The following ACSS1 variants were observed in gnomAD, a reference collection of about 807,000 sequenced individuals.
The protein encoded by ACSS1 is acetyl-coenzyme A synthetase 2-like, mitochondrial.
ACSS1 carries 42 observed loss-of-function variants against 75.3 expected under a neutral mutation model. The ratio of observed to expected loss-of-function variants is 0.56; its 90% CI spans 0.44 to 0.72. The LOEUF is 0.72. ACSS1 is among the 30% of genes least tolerant of loss of function. The pLI is 0.00. For synonymous variants in ACSS1, 380 were observed against 376.8 expected (o/e 1.01, Z -0.10); for missense variants, 782 against 935.7 (o/e 0.84, Z 2.14).
rs150473363 is a variant in ACSS1 at position 25,040,298 on chromosome 20, G to C, written c.431+7787C>G. On this transcript the variant is annotated intron_variant, in intron 2 of 13. Coordinates refer to ENST00000323482, the MANE Select transcript of ACSS1 (RefSeq NM_032501.4). Reference sequence around the variant, plus strand: ...AACACAGGGCAGCCAACTTCACACAGAACGCTCCAGAGCCTGGACGCAGGT... The same window carrying C: ...AACACAGGGCAGCCAACTTCACACACAACGCTCCAGAGCCTGGACGCAGGT... 4.7e-3 allele frequency among the ~76,000 whole-genome samples: 721 copies of C among 152,334 alleles called. 6 individuals are homozygous for C. Among genetic ancestry groups the C allele is most frequent in the African/African-American group, 0.017 (697 of 41,580 alleles).
In ACSS1 at chr20:25,007,790, C is replaced by A; in HGVS notation, c.2042G>T (p.Cys681Phe). 1 of 1,614,158 alleles carries A rather than the reference C, an allele frequency of 6.2e-7. No individual in the cohort carries two copies. Among genetic ancestry groups the A allele is most frequent in the Non-Finnish European group, 8.5e-7 (1 of 1,180,016 alleles). ...CTTAGCAGCAGCCTGCTTGTCCTTGCACTTCTGGTAGACACTCAGGATCTC... is the reference window on the plus strand; with the variant it reads ...CTTAGCAGCAGCCTGCTTGTCCTTGAACTTCTGGTAGACACTCAGGATCTC... ...IAEILSVYQK[C>F]KDKQAAAK The change falls in exon 14 of 14, where the codon TGC becomes TTC. Residue 681 changes from cysteine (C) to phenylalanine (F), a missense_variant. By Grantham distance (205) the Cys-to-Phe change is radical (BLOSUM62 -2). This residue lies in a region of ACSS1 where 405 missense variants were observed against 552.6 expected (regional missense o/e 0.73). Coordinates refer to ENST00000323482, the MANE Select transcript of ACSS1 (RefSeq NM_032501.4).
chr20:25,025,193 C>T (rs1337434718), intron 3 of ACSS1, among the ~76,000 whole-genome samples: 3 of 152,210 alleles, frequency 2.0e-5, no homozygotes, highest in African/African-American at 4.8e-5. Context: ...TCACACTACA[C>T]AGCAGGCAGT....
At chr20:25,043,705 C>T (rs1026188652) in intron 2 of ACSS1, among the ~76,000 whole-genome samples, 9 of 152,214 alleles carry the variant, frequency 5.9e-5, no homozygotes, top group African/African-American at 1.7e-4. Flanking sequence ...GGAGTTTCCA[C>T]GGGGGAACAG....
At chr20:25,020,178 G>C (rs772481093) in intron 6 of ACSS1, 31 bp from the exon 7 acceptor site, 1 of 1,613,450 alleles carries the variant, frequency 6.2e-7, no homozygotes, top group Non-Finnish European at 8.5e-7. Flanking sequence ...ACTGTCAGCA[G>C]GAGAGCTGAC....
chr20:25,036,892 T>C (rs1327830215), intron 2 of ACSS1, among the ~76,000 whole-genome samples: 1 of 150,584 alleles, frequency 6.6e-6, no homozygotes, highest in Non-Finnish European at 1.5e-5. Flanking sequence ...GAGGTGGAGA[T>C]TGCAGTGAAC....
intron 2 of ACSS1, chr20:25,032,299 C>A: frequency 8.0e-7 from 1 of 1,256,790 alleles, no homozygotes. Context: ...CGTGACCCAA[C>A]CTGGTCCAGT....
chr20:25,007,506 C>A lies in ACSS1; in HGVS notation c.*256G>T. 5.3e-6 allele frequency: 7 copies of A among 1,312,496 alleles called. No homozygotes were observed. Among genetic ancestry groups the A allele is most frequent in the Non-Finnish European group, 5.8e-6 (6 of 1,029,444 alleles). The allele number at this position is 1,312,496 out of a possible 1,614,324, so 81.3% of individuals were successfully genotyped here. On this transcript the variant is annotated 3_prime_UTR_variant, in exon 14 of 14. Coordinates refer to ENST00000323482, the MANE Select transcript of ACSS1 (RefSeq NM_032501.4). ...ATGGAGATGGCAATGCCTTTTCATTCCAGGAAACCAAACTCAGATGGCAGA... is the reference window on the plus strand; with the variant it reads ...ATGGAGATGGCAATGCCTTTTCATTACAGGAAACCAAACTCAGATGGCAGA...
intron 7 of ACSS1, among the ~76,000 whole-genome samples, chr20:25,019,132 C>T (rs2088572027): frequency 1.3e-5 from 2 of 152,376 alleles, no homozygotes; most frequent in Non-Finnish European, 2.9e-5. Flanking sequence ...GACACTCTTC[C>T]ATGGTCACTG....
chr20:25,017,931 C>G (rs1047624115), intron 7 of ACSS1, among the ~76,000 whole-genome samples: 1 of 152,178 alleles, frequency 6.6e-6, no homozygotes, highest in African/African-American at 2.4e-5. Context: ...AGGATCTGGG[C>G]GAGTTTCTAT....
rs1051283506 is a variant in ACSS1, at chr20:25,032,604, C to T, written c.432-1646G>A. The T allele has an allele frequency of 6.5e-6, 8 of 1,235,402 alleles. No individual in the cohort carries two copies. The African/African-American group carries it at 1.1e-4, about 17-fold the overall frequency. 76.5% of individuals were successfully genotyped at this position (1,235,402 alleles called of 1,614,324 possible). ...AGACCACCAGCCCGCGACCCCTGCCCTCTGCAGGGGCCCAGAAAGCAGACC... is the reference window on the plus strand; with the variant it reads ...AGACCACCAGCCCGCGACCCCTGCCTTCTGCAGGGGCCCAGAAAGCAGACC... On this transcript the variant is annotated intron_variant, in intron 2 of 13. Coordinates refer to ENST00000323482, the MANE Select transcript of ACSS1 (RefSeq NM_032501.4).
At chr20:25,039,805 C>T (rs6115010) in intron 2 of ACSS1, among the ~76,000 whole-genome samples, 18,060 of 152,324 alleles carry the variant, frequency 0.12, 1,145 homozygotes, top group Middle Eastern at 0.14. Flanking sequence ...GTTTTCCCTT[C>T]GACCTCAGCA....
At position 25,012,721 on chromosome 20, in the gene ACSS1, A is replaced by T. The variant is rs1187654019; in HGVS notation, c.1708-57T>A. 1.9e-6 allele frequency: 3 copies of T among 1,613,378 alleles called. No homozygotes were observed. In the East Asian group the frequency reaches 6.7e-5, roughly 36 times the overall value. ...GTGGCGGCCCCGGGTGCTAGAAGTG[A>T]CTCGGGCCAGGGACTCCCACCCCAA... is the stretch of plus-strand genomic sequence containing the variant. On this transcript the variant is annotated intron_variant, in intron 11 of 13. Coordinates refer to ENST00000323482, the MANE Select transcript of ACSS1 (RefSeq NM_032501.4).
At chr20:25,032,193 C>T (rs1400242753) in intron 2 of ACSS1, among the ~76,000 whole-genome samples, 1 of 152,200 alleles carries the variant, frequency 6.6e-6, no homozygotes, top group Non-Finnish European at 1.5e-5. Context: ...GTGCGCATGC[C>T]CTTCCTCTCT....
chr20:25,045,658 G>A (rs775597653), intron 2 of ACSS1, among the ~76,000 whole-genome samples: 3 of 152,224 alleles, frequency 2.0e-5, no homozygotes, highest in Non-Finnish European at 4.4e-5. Flanking sequence ...GAGGCCCATG[G>A]GCAGAAAAGC....
In ACSS1 at chr20:25,015,220, G is replaced by A; in HGVS notation, c.1257C>T (p.Pro419=). The A allele has an allele frequency of 6.2e-7, 1 of 1,610,026 alleles. No individual in the cohort carries two copies. The change falls in exon 8 of 14, where the codon CCC becomes CCT. Residue 419 remains proline (P), a synonymous_variant. Coordinates refer to ENST00000323482, the MANE Select transcript of ACSS1 (RefSeq NM_032501.4). The part of the protein sequence containing the change: ...SLRTLGSVGE[P]INCEAWEWLH... ...GCCACTCCCAGGCCTCACAGTTGAT[G>A]GGCTCTCCCACTGAAACCACACAGA...
chr20:25,022,999 G>C lies in ACSS1; in HGVS notation c.901C>G (p.Pro301Ala). 6.2e-7 allele frequency: 1 copy of C among 1,614,084 alleles called. No homozygotes were observed. The highest frequency in any genetic ancestry group is 8.5e-7 in the Non-Finnish European group (1 of 1,180,022). The change falls in exon 5 of 14, where the codon CCC becomes GCC. Residue 301 changes from proline to alanine, a missense_variant. By Grantham distance (27) the Pro-to-Ala change is conservative (BLOSUM62 -1). Transcript: ENST00000323482. ...GCCTGGGTATGGACGATGCCCTTGGGCATTCCGGTGCTCCCTGAGGTGTAC... is the reference window on the plus strand; with the variant it reads ...GCCTGGGTATGGACGATGCCCTTGGCCATTCCGGTGCTCCCTGAGGTGTAC... ...MLYTSGSTGMPKGIVHTQAGY... is the reference protein window; with the variant it reads ...MLYTSGSTGMAKGIVHTQAGY...
intron 2 of ACSS1, among the ~76,000 whole-genome samples, chr20:25,041,247 G>C (rs2088997584): frequency 1.5e-5 from 2 of 132,258 alleles, no homozygotes; most frequent in Admixed American, 8.2e-5. Flanking sequence ...GACAGAGCGA[G>C]ACTCCGTCTC....
Position 25,057,933 on chromosome 20 carries a change from G to C in ACSS1, c.170C>G (p.Ser57Trp). ...TGCCTGTGCACTCAGCGCGGGATAC[G>C]AGCCTGGCTGTGCTGCTGCTGCTGC... The part of the protein sequence containing the change: ...AVAAAAAQPG[S>W]YPALSAQAAR... The change falls in exon 1 of 14, where the codon TCG (serine) becomes TGG (tryptophan). Residue 57 changes from serine (S) to tryptophan (W), a missense_variant. Ser to Trp is a radical substitution (Grantham distance 177). Around this residue, in one of 2 missense-constraint regions of ACSS1, gnomAD observed 377 missense variants for 383.1 expected, o/e 0.98. Transcript: ENST00000323482. The C allele has an allele frequency of 1.9e-6, 3 of 1,608,144 alleles. No individual in the cohort carries two copies. Among genetic ancestry groups the C allele is most frequent in the Non-Finnish European group, 2.5e-6 (3 of 1,177,788 alleles).
intron 2 of ACSS1, among the ~76,000 whole-genome samples, chr20:25,040,480 C>A (rs1396008266): frequency 2.0e-5 from 3 of 152,262 alleles, no homozygotes; most frequent in African/African-American, 7.2e-5. Flanking sequence ...GCCTCGGGCC[C>A]AGCGACTTTC....
Sources: gnomAD v4.1 joint callset for allele counts (sites outside exome capture counted in the v4.1 genomes callset) on GRCh38, gnomAD v4.1.1 for gene constraint, gnomAD v4.1.1 regional missense constraint, MANE v1.5 for transcripts, NCBI Gene and HGNC (gene_info 2026-07-23, HGNC 2026-07-21) for gene names.